CCSER1: variants seen among roughly 807,000 people sequenced by gnomAD.
The protein encoded by CCSER1 is coiled-coil serine rich protein 1.
CCSER1 carries 41 observed loss-of-function variants against 82.0 expected under a neutral mutation model. That is an observed-to-expected ratio of 0.50 (90% CI 0.39 to 0.65). The LOEUF (loss-of-function observed/expected upper bound fraction) is 0.65, where lower values mean the gene tolerates loss of function less well. Among genes scored for constraint, CCSER1 ranks in the 30% least tolerant of loss-of-function variants. CCSER1 has a pLI of 0.00. For missense variants in CCSER1, 1,119 were observed against 1,064.2 expected (o/e 1.05, Z -0.72); for synonymous variants, 414 against 383.9 (o/e 1.08, Z -0.92).
chr4:91,574,182 A>G (rs1476841047), intron 10 of CCSER1, among the ~76,000 whole-genome samples: 1 of 152,156 alleles, frequency 6.6e-6, no homozygotes, highest in East Asian at 1.9e-4. Flanking sequence ...CATATAAGGT[A>G]CTGAAGAACT....
intron 10 of CCSER1, among the ~76,000 whole-genome samples, chr4:91,426,341 T>A (rs1753971417): frequency 2.6e-5 from 4 of 152,192 alleles, no homozygotes; most frequent in Admixed American, 2.0e-4. Context: ...AGTGCTGCAA[T>A]AAACATACGT....
At chr4:91,311,802 C>T (rs1193218241) in intron 10 of CCSER1, among the ~76,000 whole-genome samples, 1 of 151,780 alleles carries the variant, frequency 6.6e-6, no homozygotes, top group African/African-American at 2.4e-5. Flanking sequence ...TACAATTAAT[C>T]CAGGAATGCA....
intron 9 of CCSER1, among the ~76,000 whole-genome samples, chr4:91,000,532 A>G (rs180863245): frequency 6.6e-5 from 10 of 152,164 alleles, no homozygotes; most frequent in Admixed American, 3.9e-4. Flanking sequence ...CTTTTTGACA[A>G]TATAGATTCT....
chr4:90,171,121 C>T (rs1731583769), intron 1 of CCSER1, among the ~76,000 whole-genome samples: 2 of 151,068 alleles, frequency 1.3e-5, no homozygotes, highest in Non-Finnish European at 3.0e-5. Flanking sequence ...AATATATACA[C>T]TTAATATGTA....
At chr4:90,449,963 C>T (rs1222727159) in intron 4 of CCSER1, among the ~76,000 whole-genome samples, 1 of 152,190 alleles carries the variant, frequency 6.6e-6, no homozygotes, top group Non-Finnish European at 1.5e-5. Context: ...GCTGTACTTC[C>T]CTCATCGCAG....
intron 5 of CCSER1, among the ~76,000 whole-genome samples, chr4:90,605,170 C>T (rs374282854): frequency 2.6e-5 from 4 of 152,054 alleles, no homozygotes; most frequent in Non-Finnish European, 4.4e-5. Flanking sequence ...AAGAAACTCC[C>T]GATACGTTGG....
chr4:90,737,888 G>A (rs182318482), intron 7 of CCSER1, among the ~76,000 whole-genome samples: 1 of 152,168 alleles, frequency 6.6e-6, no homozygotes, highest in African/African-American at 2.4e-5. Flanking sequence ...ACTCTGATCT[G>A]TTCTTCAGTA....
At chr4:91,113,981 T>C (rs2148877659) in intron 10 of CCSER1, among the ~76,000 whole-genome samples, 1 of 152,050 alleles carries the variant, frequency 6.6e-6, no homozygotes, top group East Asian at 1.9e-4. Flanking sequence ...GCCTCCCGAG[T>C]AGTTGGGACC....
intron 10 of CCSER1, among the ~76,000 whole-genome samples, chr4:91,551,942 A>C (rs566213298): frequency 6.6e-6 from 1 of 151,766 alleles, no homozygotes; most frequent in South Asian, 2.1e-4. Flanking sequence ...AGTAGAGGCA[A>C]AAGGGAGGGG....
intron 9 of CCSER1, among the ~76,000 whole-genome samples, chr4:91,016,407 T>A (rs1739434140): frequency 6.6e-6 from 1 of 152,012 alleles, no homozygotes; most frequent in African/African-American, 2.4e-5. Flanking sequence ...ACATTTTAAA[T>A]ATGCTACAGA....
At chr4:90,700,066 C>T (rs1432517196) in intron 6 of CCSER1, among the ~76,000 whole-genome samples, 1 of 151,696 alleles carries the variant, frequency 6.6e-6, no homozygotes, top group East Asian at 1.9e-4. Context: ...TATACATGTG[C>T]CATGTTGGTG....
intron 10 of CCSER1, among the ~76,000 whole-genome samples, chr4:91,403,060 T>C (rs1429981272): frequency 6.6e-6 from 1 of 152,220 alleles, no homozygotes; most frequent in Non-Finnish European, 1.5e-5. Flanking sequence ...TTGTGTCTTC[T>C]TCTATTTCGT....
intron 10 of CCSER1, among the ~76,000 whole-genome samples, chr4:91,087,073 C>T (rs970506274): frequency 6.6e-6 from 1 of 152,008 alleles, no homozygotes; most frequent in Non-Finnish European, 1.5e-5. Context: ...ATCTCAGAAC[C>T]TTTTACAGCT....
chr4:90,507,971 T>G (rs1770948895), intron 5 of CCSER1, among the ~76,000 whole-genome samples: 1 of 152,004 alleles, frequency 6.6e-6, no homozygotes, highest in African/African-American at 2.4e-5. Flanking sequence ...ATAAAAGAAC[T>G]CTGAAAATGA....
At chr4:90,791,839 A>G (rs1755299147) in intron 7 of CCSER1, among the ~76,000 whole-genome samples, 1 of 147,642 alleles carries the variant, frequency 6.8e-6, no homozygotes, top group African/African-American at 2.4e-5. Flanking sequence ...AAAAACACAC[A>G]CACACACACG....
chr4:91,322,631 A>G (rs1746273846), intron 10 of CCSER1, among the ~76,000 whole-genome samples: 1 of 77,064 alleles, frequency 1.3e-5, no homozygotes. Flanking sequence ...ACATTATATT[A>G]ATTAAATTAA....
At chr4:90,459,897 T>G (rs948733773) in intron 4 of CCSER1, among the ~76,000 whole-genome samples, 1 of 152,204 alleles carries the variant, frequency 6.6e-6, no homozygotes, top group Non-Finnish European at 1.5e-5. Context: ...CTAAAGTGTT[T>G]TGAGTTTTAA....
At chr4:90,537,616 G>A in intron 5 of CCSER1, among the ~76,000 whole-genome samples, 1 of 151,840 alleles carries the variant, frequency 6.6e-6, no homozygotes, top group African/African-American at 2.4e-5. Context: ...CTTCTGCTTT[G>A]TGGTTGCTTT....
At chr4:90,273,836 G>A (rs1727048685) in intron 1 of CCSER1, among the ~76,000 whole-genome samples, 1 of 151,956 alleles carries the variant, frequency 6.6e-6, no homozygotes, top group African/African-American at 2.4e-5. Flanking sequence ...AGAAAGGAAG[G>A]GAAAGAAGCA....
Sources: allele counts gnomAD v4.1 joint callset (sites outside exome capture counted in the v4.1 genomes callset), GRCh38; gene constraint gnomAD v4.1.1; transcripts MANE v1.5; gene names NCBI Gene and HGNC (gene_info 2026-07-23, HGNC 2026-07-21).